The following PIWIL1 variants were observed in gnomAD, a reference collection of about 807,000 sequenced individuals.
PIWIL1 encodes the protein piwi like RNA-mediated gene silencing 1, also known as piwi-like protein 1.
Under a neutral mutation model 114.4 loss-of-function variants are expected in PIWIL1, and 73 were observed. The ratio of observed to expected loss-of-function variants is 0.64; its 90% CI spans 0.53 to 0.78. PIWIL1 has a LOEUF of 0.78. Among genes scored for constraint, PIWIL1 ranks in the 30% least tolerant of loss-of-function variants. The probability of loss-of-function intolerance (pLI) is 0.00; values close to 1 mark genes in which losing one functional copy is unlikely to be tolerated. For missense variants in PIWIL1, 723 were observed against 1,063.1 expected, an observed-to-expected ratio of 0.68 and a Z score of 4.45; for synonymous variants, 375 against 369.0, an observed-to-expected ratio of 1.02 and a Z score of -0.19.
the PIWIL1 span, among the ~76,000 whole-genome samples, chr12:130,409,331 GCTTTTT>G: frequency 9.1e-6 from 1 of 109,356 alleles, no homozygotes; most frequent in Non-Finnish European, 1.9e-5. Context: ...ACAAAATGTA[GCTTTTT>G]TTTTTTTTTT....
chr12:130,358,566 CATGTTA>C (rs1386092286), intron 14 of PIWIL1, among the ~76,000 whole-genome samples: 1 of 152,096 alleles, frequency 6.6e-6, no homozygotes, highest in Non-Finnish European at 1.5e-5. Context: ...TAGCCCAGGA[CATGTTA>C]ATCACTGTTG....
At chr12:130,386,233 C>G in the PIWIL1 span, among the ~76,000 whole-genome samples, 1 of 152,098 alleles carries the variant, frequency 6.6e-6, no homozygotes, top group African/African-American at 2.4e-5. Context: ...TTGGAGCTGT[C>G]ATAATCCTTG....
chr12:130,394,312 G>A, the PIWIL1 span, among the ~76,000 whole-genome samples: 1 of 152,228 alleles, frequency 6.6e-6, no homozygotes, highest in African/African-American at 2.4e-5. Flanking sequence ...CCAGCTGGCA[G>A]CACAAGGGCC....
chr12:130,363,393 A>T (rs1373336783), intron 18 of PIWIL1, among the ~76,000 whole-genome samples: 1 of 152,092 alleles, frequency 6.6e-6, no homozygotes, highest in Non-Finnish European at 1.5e-5. Flanking sequence ...CCAATCATTG[A>T]TCAGCTTTCT....
At chr12:130,356,426 C>G (rs576656842) in intron 12 of PIWIL1, among the ~76,000 whole-genome samples, 1 of 151,910 alleles carries the variant, frequency 6.6e-6, no homozygotes. Context: ...GGCCAGGACA[C>G]GCAGAAGACA....
Position 130,362,847 on chromosome 12 carries a change from T to C in PIWIL1, c.2041+11T>C, listed in dbSNP as rs1229330660. 1.2e-6 allele frequency: 2 copies of C among 1,613,414 alleles called. No homozygotes were observed. Among genetic ancestry groups the C allele is most frequent in the Non-Finnish European group, 1.7e-6 (2 of 1,179,550 alleles). ...AAGTCTGCCTGCAAGGTTAGTCACC[T>C]GTGGGGTTGCCATTCTACTCTCTAA... is the stretch of plus-strand genomic sequence containing the variant. On this transcript the variant is annotated intron_variant, in intron 17 of 20. Coordinates refer to ENST00000245255, the MANE Select transcript of PIWIL1 (RefSeq NM_004764.5).
the PIWIL1 span, chr12:130,398,467 C>G: frequency 6.5e-6 from 1 of 152,686 alleles, no homozygotes; most frequent in Non-Finnish European, 1.5e-5. Context: ...AAGATACCAT[C>G]TATTCCATCT....
intron 7 of PIWIL1, 34 bp from the exon 8 acceptor site, chr12:130,349,205 A>T (rs2073150500): frequency 6.5e-7 from 1 of 1,538,724 alleles, no homozygotes; most frequent in Middle Eastern, 1.7e-4. Context: ...TTGAATGTGG[A>T]GAGGTTCTTC....
At chr12:130,406,451 G>C in the PIWIL1 span, among the ~76,000 whole-genome samples, 2 of 152,114 alleles carry the variant, frequency 1.3e-5, no homozygotes, top group Non-Finnish European at 2.9e-5. Context: ...GCACCTAAAA[G>C]GAAAATGCTG....
At chr12:130,408,993 C>T in the PIWIL1 span, among the ~76,000 whole-genome samples, 2 of 149,476 alleles carry the variant, frequency 1.3e-5, no homozygotes. Context: ...GTGTCCTCTG[C>T]AGGACCTGCA....
the PIWIL1 span, among the ~76,000 whole-genome samples, chr12:130,417,865 G>GC: frequency 7.5e-5 from 7 of 93,286 alleles, no homozygotes; most frequent in African/African-American, 3.6e-4. Flanking sequence ...GAGAGAGAAT[G>GC]GGAGGGGAGA....
At chr12:130,397,333 A>C in the PIWIL1 span, 1 of 398,790 alleles carries the variant, frequency 2.5e-6, no homozygotes, top group African/African-American at 2.1e-5. Flanking sequence ...AATTACATAG[A>C]TTTGGCAGTT....
the PIWIL1 span, chr12:130,414,114 C>A: frequency 6.2e-7 from 1 of 1,613,842 alleles, no homozygotes; most frequent in South Asian, 1.1e-5. Flanking sequence ...CCGCAGGCAG[C>A]CATCCCGCAC....
At chr12:130,410,182 G>A in the PIWIL1 span, among the ~76,000 whole-genome samples, 10 of 152,254 alleles carry the variant, frequency 6.6e-5, no homozygotes, top group South Asian at 2.1e-4. Flanking sequence ...CCCACATATC[G>A]TCTTTGGCGA....
At position 130,354,521 on chromosome 12, in the gene PIWIL1, T is replaced by G; in HGVS notation, c.1045-16T>G. The G allele has an allele frequency of 6.2e-7, 1 of 1,614,014 alleles. No homozygotes were observed. The highest frequency in any genetic ancestry group is 8.5e-7 in the Non-Finnish European group (1 of 1,179,968). On this transcript the variant is annotated splice_polypyrimidine_tract_variant and intron_variant, in intron 9 of 20. Transcript: ENST00000245255. Reference sequence around the variant, plus strand: ...GGCATTTGCCGTGAACAGCGACCCTTTCGTCTCTTGAGCAGCAATACAACC... The same window carrying G: ...GGCATTTGCCGTGAACAGCGACCCTGTCGTCTCTTGAGCAGCAATACAACC...
chr12:130,425,152 C>T, the PIWIL1 span: 9 of 297,668 alleles, frequency 3.0e-5, no homozygotes, highest in East Asian at 1.1e-4. Context: ...GAGATCCCGG[C>T]GGCACATCAG....
At position 130,345,539 on chromosome 12, in the gene PIWIL1, G is replaced by C. The variant is rs112652311; in HGVS notation, c.191-214G>C. ...AAAGGGTGCATCTGCAATTGCCCAG[G>C]ACAGTGACAAGGCCTTTATGAATGA... On this transcript the variant is annotated intron_variant, in intron 3 of 20. Coordinates refer to ENST00000245255, the MANE Select transcript of PIWIL1 (RefSeq NM_004764.5). The C allele has an allele frequency of 4.2e-3, 2,092 of 494,694 alleles. 45 individuals are homozygous for C. The highest frequency in any genetic ancestry group is 0.037 in the African/African-American group (1,930 of 51,470). 30.6% of individuals were successfully genotyped at this position (494,694 alleles called of 1,614,324 possible). A position where few individuals can be genotyped will look rare whatever the true frequency, so the allele number is the denominator to read the frequency against.
intron 11 of PIWIL1, among the ~76,000 whole-genome samples, chr12:130,355,264 G>GGGAT (rs2136159828): frequency 6.6e-6 from 1 of 152,314 alleles, no homozygotes; most frequent in African/African-American, 2.4e-5. Context: ...ACAGAAAAAG[G>GGGAT]GGATGTTTCT....
At chr12:130,407,956 C>T in the PIWIL1 span, 2 of 760,174 alleles carry the variant, frequency 2.6e-6, no homozygotes, top group East Asian at 2.5e-5. Flanking sequence ...GGGCCACGTG[C>T]TCCTGGGCAC....
Sources: gnomAD v4.1 joint callset for allele counts (sites outside exome capture counted in the v4.1 genomes callset) on GRCh38, gnomAD v4.1.1 for gene constraint, MANE v1.5 for transcripts, NCBI Gene and HGNC (gene_info 2026-07-23, HGNC 2026-07-21) for gene names.